Variants in DDX10 observed in about 807,000 individuals in gnomAD.
DDX10 encodes the protein DEAD-box helicase 10.
Under a neutral mutation model 104.3 loss-of-function variants are expected in DDX10, and 74 were observed. That is an observed-to-expected ratio of 0.71 (90% CI 0.59 to 0.86). The LOEUF is 0.86. Among genes scored for constraint, DDX10 ranks in the 40% least tolerant of loss-of-function variants. The pLI, the probability that DDX10 is intolerant of heterozygous loss-of-function variation, is 0.00. For missense variants in DDX10, 952 were observed against 1,040.0 expected, an observed-to-expected ratio of 0.92 and a Z score of 1.16; for synonymous variants, 351 against 353.4, an observed-to-expected ratio of 0.99 and a Z score of 0.08.
intron 13 of DDX10, among the ~76,000 whole-genome samples, chr11:108,733,202 A>T (rs1358367919): frequency 6.6e-6 from 1 of 151,466 alleles, no homozygotes; most frequent in Non-Finnish European, 1.5e-5. Flanking sequence ...TTTGAAGCTT[A>T]TAAGTATACT....
rs1263478156 is a variant in DDX10 at position 108,854,075 on chromosome 11, C to CA, written c.2304+1869dup. Reference sequence around the variant, plus strand: ...CAGTGGCTGGTCTGCAGCCAGGACTCAAACATTCCTCAAGACACTGAGGAC... The same window carrying CA: ...CAGTGGCTGGTCTGCAGCCAGGACTCAAAACATTCCTCAAGACACTGAGGAC... On this transcript the variant is annotated intron_variant, in intron 16 of 17. Coordinates refer to ENST00000322536, the MANE Select transcript of DDX10 (RefSeq NM_004398.4). Among the ~76,000 whole-genome samples, 5 of 152,160 alleles carry CA rather than the reference C, an allele frequency of 3.3e-5. No individual in the cohort carries two copies. The East Asian group carries it at 5.8e-4, about 18-fold the overall frequency.
intron 17 of DDX10, among the ~76,000 whole-genome samples, chr11:108,926,599 A>T (rs139851086): frequency 1.3e-5 from 2 of 152,324 alleles, no homozygotes; most frequent in Non-Finnish European, 2.9e-5. Flanking sequence ...TTTAATACTG[A>T]GCAGCTAGAA....
chr11:108,839,507 T>G (rs1294655584), intron 14 of DDX10, among the ~76,000 whole-genome samples: 1 of 152,210 alleles, frequency 6.6e-6, no homozygotes, highest in African/African-American at 2.4e-5. Context: ...TCACAAAAAT[T>G]TATTGATTGA....
intron 10 of DDX10, among the ~76,000 whole-genome samples, chr11:108,711,447 C>G (rs1037870765): frequency 2.0e-5 from 3 of 152,218 alleles, no homozygotes; most frequent in African/African-American, 4.8e-5. Context: ...ATTCTCCTGC[C>G]TCAGCCTCCT....
intron 6 of DDX10, 134 bp from the exon 7 acceptor site, chr11:108,688,802 C>A: frequency 1.2e-6 from 1 of 847,132 alleles, no homozygotes; most frequent in Non-Finnish European, 1.8e-6. Context: ...GAGAAAAATT[C>A]TTTTTTTGGT....
At chr11:108,675,110 G>GTGTGTGTGTGTGTGTA (rs2094222427) in intron 2 of DDX10, among the ~76,000 whole-genome samples, 2 of 151,936 alleles carry the variant, frequency 1.3e-5, no homozygotes, top group Admixed American at 6.6e-5. Flanking sequence ...GTGTGTGTGT[G>GTGTGTGTGTGTGTGTA]TGTGTGTGTG....
intron 1 of DDX10, among the ~76,000 whole-genome samples, chr11:108,672,607 A>G (rs2094218556): frequency 6.6e-6 from 1 of 151,730 alleles, no homozygotes; most frequent in South Asian, 2.1e-4. Flanking sequence ...AGATTGTAAA[A>G]TGAAGTACAA....
chr11:108,733,786 G>A (rs534052645), intron 13 of DDX10, among the ~76,000 whole-genome samples: 21 of 151,902 alleles, frequency 1.4e-4, no homozygotes, highest in African/African-American at 4.8e-4. Flanking sequence ...ATTGGTTCTC[G>A]TTGTTCTTCT....
chr11:108,695,423 G>T (rs2134452826), intron 9 of DDX10, among the ~76,000 whole-genome samples: 1 of 152,336 alleles, frequency 6.6e-6, no homozygotes, highest in African/African-American at 2.4e-5. Flanking sequence ...CCAGGGATGT[G>T]AGGATCTTTA....
chr11:108,817,431 C>A (rs1020275510), intron 13 of DDX10, among the ~76,000 whole-genome samples: 15 of 152,220 alleles, frequency 9.9e-5, no homozygotes, highest in Non-Finnish European at 2.2e-4. Flanking sequence ...GTTCCTCCTT[C>A]TTTTCTTTTA....
intron 16 of DDX10, among the ~76,000 whole-genome samples, chr11:108,874,881 G>GA (rs1863131393): frequency 6.6e-6 from 1 of 152,002 alleles, no homozygotes; most frequent in African/African-American, 2.4e-5. Context: ...CTTTATTGGT[G>GA]AAAAAGAGGC....
At chr11:108,712,383 C>T (rs1166539396) in intron 10 of DDX10, among the ~76,000 whole-genome samples, 11 of 151,752 alleles carry the variant, frequency 7.2e-5, no homozygotes, top group Admixed American at 7.2e-4. Context: ...CTTTTGTCTC[C>T]TCTCTTTCAG....
chr11:108,873,307 A>G (rs1040479848), intron 16 of DDX10, among the ~76,000 whole-genome samples: 1 of 152,168 alleles, frequency 6.6e-6, no homozygotes, highest in Non-Finnish European at 1.5e-5. Context: ...AAGTAGGATG[A>G]TATTTATCAA....
At chr11:108,917,735 A>G in intron 16 of DDX10, 138 bp from the exon 17 acceptor site, 1 of 745,132 alleles carries the variant, frequency 1.3e-6, no homozygotes, top group Non-Finnish European at 2.2e-6. Context: ...TCTGAAAGTC[A>G]CATAAGGGCC....
rs117884294 is a variant in DDX10, at chr11:108,858,223, C to T, written c.2304+6014C>T. 7.0e-3 allele frequency among the ~76,000 whole-genome samples: 1,066 copies of T among 152,198 alleles called. 5 individuals are homozygous for T. Among genetic ancestry groups the T allele is most frequent in the Middle Eastern group, 0.027 (8 of 294 alleles). On this transcript the variant is annotated intron_variant, in intron 16 of 17. Transcript: ENST00000322536. ...TGTTTCCGTTTTGAAGCCTTTTCTGCCTCCTTCAGGCCGACTCATGACGTT... is the reference window on the plus strand; with the variant it reads ...TGTTTCCGTTTTGAAGCCTTTTCTGTCTCCTTCAGGCCGACTCATGACGTT...
chr11:108,679,724 A>G (rs1035245757), intron 6 of DDX10, among the ~76,000 whole-genome samples, 164 bp downstream of exon 6: 5 of 152,196 alleles, frequency 3.3e-5, no homozygotes, highest in African/African-American at 1.2e-4. Context: ...TTCTGCATAT[A>G]TCTTTAAATG....
intron 10 of DDX10, among the ~76,000 whole-genome samples, chr11:108,709,464 T>A (rs1380721324): frequency 7.2e-5 from 11 of 152,266 alleles, no homozygotes; most frequent in Non-Finnish European, 1.6e-4. Context: ...TCAATTTTTT[T>A]AATAGATAGT....
At chr11:108,778,912 T>C (rs1055245153) in intron 13 of DDX10, among the ~76,000 whole-genome samples, 16 of 152,208 alleles carry the variant, frequency 1.1e-4, no homozygotes, top group African/African-American at 3.1e-4. Flanking sequence ...AAGACATTTA[T>C]GCAGCCAACA....
At chr11:108,930,453 TATTC>T (rs2134674966) in intron 17 of DDX10, among the ~76,000 whole-genome samples, 1 of 152,354 alleles carries the variant, frequency 6.6e-6, no homozygotes, top group South Asian at 2.1e-4. Flanking sequence ...CTGCTATAAA[TATTC>T]ATGAGCAGGA....
Sources: gnomAD v4.1 joint callset for allele counts (sites outside exome capture counted in the v4.1 genomes callset) on GRCh38, gnomAD v4.1.1 for gene constraint, MANE v1.5 for transcripts, NCBI Gene and HGNC (gene_info 2026-07-23, HGNC 2026-07-21) for gene names.